The following STPG2 variants were observed in gnomAD, a reference collection of about 807,000 sequenced individuals.
STPG2 encodes sperm-tail PG-rich repeat-containing protein 2.
STPG2 carries 56 observed loss-of-function variants against 54.2 expected under a neutral mutation model. The observed-to-expected ratio is 1.03, with a 90% CI of 0.83 to 1.29. The LOEUF (loss-of-function observed/expected upper bound fraction) is 1.29. STPG2 is among the 50% of genes most tolerant of loss of function. STPG2 has a pLI of 0.00. For synonymous variants in STPG2, 200 were observed against 181.8 expected, an observed-to-expected ratio of 1.10 and a Z score of -0.81; for missense variants, 596 against 544.9, an observed-to-expected ratio of 1.09 and a Z score of -0.93.
chr4:97,537,186 G>A (rs1038816719), intron 4 of STPG2, among the ~76,000 whole-genome samples: 13 of 152,038 alleles, frequency 8.6e-5, no homozygotes, highest in African/African-American at 2.2e-4. Flanking sequence ...GGGACCTGTC[G>A]GACAGTGGGT....
At chr4:97,704,582 C>A (rs888420918) in intron 10 of STPG2, among the ~76,000 whole-genome samples, 5 of 152,152 alleles carry the variant, frequency 3.3e-5, no homozygotes, top group African/African-American at 1.2e-4. Context: ...GAGTCAAAGA[C>A]CTTTTTAGAA....
intron 3 of STPG2, among the ~76,000 whole-genome samples, chr4:98,112,563 A>G (rs1273656849): frequency 6.6e-6 from 1 of 152,144 alleles, no homozygotes; most frequent in Admixed American, 6.6e-5. Context: ...ACAACCTCTG[A>G]CAGAACTTTA....
chr4:97,784,356 A>T (rs928293557), intron 9 of STPG2, among the ~76,000 whole-genome samples: 1 of 152,062 alleles, frequency 6.6e-6, no homozygotes, highest in African/African-American at 2.4e-5. Context: ...TCTAAACCAA[A>T]GTTTCTTGAT....
At chr4:97,990,357 C>G (rs1252145231) in intron 5 of STPG2, among the ~76,000 whole-genome samples, 1 of 151,994 alleles carries the variant, frequency 6.6e-6, no homozygotes, top group Non-Finnish European at 1.5e-5. Context: ...GACAACTGAC[C>G]ACTAAAGGGC....
intron 7 of STPG2, among the ~76,000 whole-genome samples, chr4:97,956,725 C>T (rs900501523): frequency 2.6e-5 from 4 of 152,124 alleles, no homozygotes; most frequent in Non-Finnish European, 5.9e-5. Context: ...ATAACAATTA[C>T]TACAGCTTGG....
At chr4:98,115,724 C>G (rs975256103) in intron 3 of STPG2, among the ~76,000 whole-genome samples, 6 of 151,878 alleles carry the variant, frequency 4.0e-5, no homozygotes, top group Admixed American at 3.9e-4. Context: ...ATCGAAAATT[C>G]AGATAAGATT....
At chr4:97,739,543 T>C (rs1448088718) in intron 9 of STPG2, among the ~76,000 whole-genome samples, 1 of 152,218 alleles carries the variant, frequency 6.6e-6, no homozygotes, top group Non-Finnish European at 1.5e-5. Context: ...TCACCACTGG[T>C]CCCACAGAAA....
chr4:98,018,384 A>G (rs1326442184), intron 5 of STPG2, among the ~76,000 whole-genome samples: 1 of 152,178 alleles, frequency 6.6e-6, no homozygotes, highest in Admixed American at 6.6e-5. Flanking sequence ...TCCATGGTGT[A>G]TATGTGCCAG....
At chr4:97,569,962 G>T (rs1245788973) in intron 10 of STPG2, among the ~76,000 whole-genome samples, 4 of 152,016 alleles carry the variant, frequency 2.6e-5, no homozygotes, top group African/African-American at 9.6e-5. Flanking sequence ...ATCCTGAAAA[G>T]TACATACATT....
At chr4:97,827,235 G>GC (rs1253175428) in intron 9 of STPG2, among the ~76,000 whole-genome samples, 1 of 132,866 alleles carries the variant, frequency 7.5e-6, no homozygotes, top group Admixed American at 7.6e-5. Flanking sequence ...GCTATAGACA[G>GC]CTTTTTTTTT....
intron 8 of STPG2, among the ~76,000 whole-genome samples, chr4:97,941,483 T>A (rs1334809022): frequency 6.6e-6 from 1 of 152,118 alleles, no homozygotes; most frequent in Non-Finnish European, 1.5e-5. Flanking sequence ...CACATTTTCT[T>A]TCTATTTATA....
At chr4:97,730,022 G>A (rs1724749619) in intron 9 of STPG2, among the ~76,000 whole-genome samples, 1 of 152,012 alleles carries the variant, frequency 6.6e-6, no homozygotes, top group Non-Finnish European at 1.5e-5. Context: ...TTTTATTTTA[G>A]ATACAGGGGT....
At chr4:97,732,372 G>A (rs1392093551) in intron 9 of STPG2, among the ~76,000 whole-genome samples, 1 of 152,132 alleles carries the variant, frequency 6.6e-6, no homozygotes, top group African/African-American at 2.4e-5. Context: ...TAAGGTGAGA[G>A]ATAGCGATCC....
downstream of STPG2, among the ~76,000 whole-genome samples, chr4:97,557,653 G>A (rs1403109778): frequency 1.3e-5 from 2 of 152,112 alleles, no homozygotes; most frequent in African/African-American, 4.8e-5. Flanking sequence ...AAAGACATAA[G>A]GGTAGGCACA....
chr4:98,107,850 A>G (rs145570538), intron 4 of STPG2, among the ~76,000 whole-genome samples: 1 of 152,218 alleles, frequency 6.6e-6, no homozygotes, highest in East Asian at 1.9e-4. Flanking sequence ...ATACTGAAGA[A>G]CAAAAGCATA....
intron 10 of STPG2, among the ~76,000 whole-genome samples, chr4:97,708,664 C>T (rs1396054734): frequency 2.0e-5 from 3 of 151,600 alleles, no homozygotes; most frequent in Non-Finnish European, 4.4e-5. Context: ...TATCTTTCTG[C>T]CATTTAACAT....
intron 9 of STPG2, among the ~76,000 whole-genome samples, chr4:97,828,263 C>T (rs1387203330): frequency 2.0e-5 from 3 of 152,074 alleles, no homozygotes; most frequent in Non-Finnish European, 4.4e-5. Flanking sequence ...TGGGGCATCG[C>T]CTCACCCAGG....
At chr4:97,843,120 TAAA>T (rs1374681992) in intron 8 of STPG2, among the ~76,000 whole-genome samples, 1 of 151,740 alleles carries the variant, frequency 6.6e-6, no homozygotes, top group Non-Finnish European at 1.5e-5. Flanking sequence ...TCATAGAAAA[TAAA>T]GAAGGGACAT....
At chr4:98,112,107 A>G (rs891141875) in intron 3 of STPG2, among the ~76,000 whole-genome samples, 6 of 152,110 alleles carry the variant, frequency 3.9e-5, no homozygotes, top group Non-Finnish European at 2.9e-5. Flanking sequence ...ACATGAGCCA[A>G]TTCCCAGAAT....
Sources: allele counts gnomAD v4.1 joint callset (sites outside exome capture counted in the v4.1 genomes callset), GRCh38; gene constraint gnomAD v4.1.1; transcripts MANE v1.5; gene names NCBI Gene and HGNC (gene_info 2026-07-23, HGNC 2026-07-21).